KCNQ3: variants seen among roughly 807,000 people sequenced by gnomAD.
The protein encoded by KCNQ3 is potassium voltage-gated channel subfamily KQT member 3.
A neutral mutation model predicts 92.5 loss-of-function variants in KCNQ3; 30 were observed. The observed-to-expected ratio is 0.32, with a 90% CI of 0.24 to 0.44. The LOEUF is 0.44. KCNQ3 is among the 20% of genes least tolerant of loss of function. KCNQ3 has a pLI of 1.00. For missense variants in KCNQ3, 913 were observed against 1,140.3 expected (o/e 0.80, Z 2.87); for synonymous variants, 450 against 468.8 (o/e 0.96, Z 0.52).
At chr8:132,240,889 A>T (rs1253192434) in intron 1 of KCNQ3, among the ~76,000 whole-genome samples, 13 of 149,938 alleles carry the variant, frequency 8.7e-5, no homozygotes, top group African/African-American at 2.7e-4. Flanking sequence ...GCTAGCTACA[A>T]TTTTTTTTTT....
intron 10 of KCNQ3, 161 bp downstream of exon 10, chr8:132,140,968 G>C: frequency 4.3e-6 from 3 of 698,206 alleles, no homozygotes; most frequent in Non-Finnish European, 5.2e-6. Context: ...CCAAGGGACA[G>C]GAGGAGTTAG....
intron 1 of KCNQ3, among the ~76,000 whole-genome samples, chr8:132,274,869 A>C (rs1816274952): frequency 6.6e-6 from 1 of 152,084 alleles, no homozygotes; most frequent in Admixed American, 6.6e-5. Flanking sequence ...GAGGCTGAGG[A>C]GTTTCCTGCA....
At chr8:132,462,243 G>T (rs1236881310) in intron 1 of KCNQ3, among the ~76,000 whole-genome samples, 2 of 152,020 alleles carry the variant, frequency 1.3e-5, no homozygotes, top group African/African-American at 4.8e-5. Context: ...TTGTTGCCCA[G>T]GTTGGAGTGC....
At chr8:132,424,921 C>T (rs117184709) in intron 1 of KCNQ3, among the ~76,000 whole-genome samples, 2,495 of 152,350 alleles carry the variant, frequency 0.016, 31 homozygotes, top group Non-Finnish European at 0.023. Flanking sequence ...ATCTTCCGAT[C>T]CTTAATTATA....
At chr8:132,438,579 T>C (rs1821454797) in intron 1 of KCNQ3, among the ~76,000 whole-genome samples, 1 of 152,120 alleles carries the variant, frequency 6.6e-6, no homozygotes, top group South Asian at 2.1e-4. Context: ...GTGCGGCTGC[T>C]TGGTGATGGA....
At chr8:132,406,927 GA>G (rs1820500403) in intron 1 of KCNQ3, among the ~76,000 whole-genome samples, 1 of 152,188 alleles carries the variant, frequency 6.6e-6, no homozygotes, top group Non-Finnish European at 1.5e-5. Context: ...ACTGACATAT[GA>G]AGGACAAAGG....
At chr8:132,412,952 C>T (rs1201576310) in intron 1 of KCNQ3, among the ~76,000 whole-genome samples, 2 of 152,258 alleles carry the variant, frequency 1.3e-5, no homozygotes, top group African/African-American at 4.8e-5. Context: ...CACCTCCCAA[C>T]ACATCAGCTT....
chr8:132,340,501 T>C (rs1818495004), intron 1 of KCNQ3, among the ~76,000 whole-genome samples: 1 of 151,994 alleles, frequency 6.6e-6, no homozygotes, highest in South Asian at 2.1e-4. Flanking sequence ...CGCAGCAAAC[T>C]AACACAAGAA....
chr8:132,429,809 T>TGAGATC (rs1040998715), intron 1 of KCNQ3, among the ~76,000 whole-genome samples: 1 of 142,916 alleles, frequency 7.0e-6, no homozygotes, highest in Non-Finnish European at 1.5e-5. Context: ...TGCAGTGAGC[T>TGAGATC]GAGATCGTAC....
intron 1 of KCNQ3, among the ~76,000 whole-genome samples, chr8:132,391,737 C>T (rs1177862981): frequency 6.6e-6 from 1 of 152,222 alleles, no homozygotes; most frequent in Admixed American, 6.5e-5. Flanking sequence ...TCTCTTCTTT[C>T]TAACCCCCTC....
chr8:132,321,982 TTTTTTAAAGCACATTTTC>T (rs1364111823), intron 1 of KCNQ3, among the ~76,000 whole-genome samples: 2 of 152,170 alleles, frequency 1.3e-5, no homozygotes, highest in Admixed American at 6.5e-5. Context: ...TGAGAAGTGT[TTTTTTAAAGCACATTTTC>T]TTGAAAATGA....
chr8:132,187,208 T>A, intron 1 of KCNQ3: 1 of 456,104 alleles, frequency 2.2e-6, no homozygotes, highest in Non-Finnish European at 4.4e-6. Context: ...CATGCTTTTT[T>A]GGCTTTTGTT....
At chr8:132,363,647 C>T (rs73345922) in intron 1 of KCNQ3, among the ~76,000 whole-genome samples, 1,939 of 152,114 alleles carry the variant, frequency 0.013, 52 homozygotes, top group African/African-American at 0.044. Flanking sequence ...CTGTAGTACG[C>T]TGTCACCATC....
At chr8:132,455,801 G>A (rs946469488) in intron 1 of KCNQ3, among the ~76,000 whole-genome samples, 8 of 152,126 alleles carry the variant, frequency 5.3e-5, no homozygotes, top group African/African-American at 1.9e-4. Flanking sequence ...GAGTATAGTG[G>A]CGTGATCTCG....
chr8:132,304,625 A>T (rs1381953468), intron 1 of KCNQ3, among the ~76,000 whole-genome samples: 1 of 152,192 alleles, frequency 6.6e-6, no homozygotes, highest in Non-Finnish European at 1.5e-5. Flanking sequence ...TTCATAGTAC[A>T]AATGTTCAGT....
At chr8:132,270,815 T>C (rs1218396915) in intron 1 of KCNQ3, among the ~76,000 whole-genome samples, 1 of 152,226 alleles carries the variant, frequency 6.6e-6, no homozygotes, top group African/African-American at 2.4e-5. Flanking sequence ...ATTGTAAAAA[T>C]TTAAAAGAAA....
chr8:132,263,953 T>C (rs16904639), intron 1 of KCNQ3, among the ~76,000 whole-genome samples: 14,028 of 152,248 alleles, frequency 0.092, 719 homozygotes, highest in Admixed American at 0.14. Flanking sequence ...GTTCTCCTTA[T>C]GTAACCTGAG....
intron 1 of KCNQ3, among the ~76,000 whole-genome samples, chr8:132,365,584 C>T (rs1401709417): frequency 4.6e-5 from 7 of 152,182 alleles, no homozygotes; most frequent in African/African-American, 1.7e-4. Context: ...CCTCTATGTG[C>T]CTCCATTTCC....
intron 1 of KCNQ3, among the ~76,000 whole-genome samples, chr8:132,428,380 T>G (rs1821164026): frequency 6.6e-6 from 1 of 152,242 alleles, no homozygotes; most frequent in Non-Finnish European, 1.5e-5. Context: ...TCTCAACCAC[T>G]TTTGCATAAG....
Sources: gnomAD v4.1 joint callset for allele counts (sites outside exome capture counted in the v4.1 genomes callset) on GRCh38, gnomAD v4.1.1 for gene constraint, MANE v1.5 for transcripts, NCBI Gene and HGNC (gene_info 2026-07-23, HGNC 2026-07-21) for gene names.